The following SPTB variants were observed in gnomAD, a reference collection of about 807,000 sequenced individuals.
The protein encoded by SPTB is spectrin beta, erythrocytic, also known as spectrin beta chain, erythrocytic.
Under a neutral mutation model 256.2 loss-of-function variants are expected in SPTB, and 45 were observed. The ratio of observed to expected loss-of-function variants is 0.18; its 90% confidence interval spans 0.14 to 0.23. The LOEUF is 0.23. Among genes scored for constraint, SPTB ranks in the 10% least tolerant of loss-of-function variants. The pLI is 1.00. For missense variants in SPTB, 2,715 were observed against 3,040.4 expected, an observed-to-expected ratio of 0.89 and a Z score of 2.52; for synonymous variants, 1,231 against 1,243.1, an observed-to-expected ratio of 0.99 and a Z score of 0.21.
Position 64,809,262 on chromosome 14 carries a change from C to CAAAA in SPTB, c.149-4176_149-4173dup, listed in dbSNP as rs57245539. On this transcript the variant is annotated intron_variant, in intron 2 of 35. Transcript: ENST00000644917. The stretch of plus-strand genomic sequence containing the variant: ...GGGCAACAACAGCGAAACTTTGTAT[C>CAAAA]AAAAAAAAAAAAAAAAAAAAAGGCC... Among the ~76,000 whole-genome samples the CAAAA allele has an allele frequency of 3.9e-3, 358 of 90,998 alleles. 3 individuals carry two copies. Among genetic ancestry groups the CAAAA allele is most frequent in the African/African-American group, 0.014 (336 of 24,588 alleles). 59.7% of individuals were successfully genotyped at this position (90,998 alleles called of 152,430 possible).
intron 1 of SPTB, among the ~76,000 whole-genome samples, chr14:64,832,918 T>G (rs1024259464): frequency 6.6e-6 from 1 of 152,226 alleles, no homozygotes; most frequent in Admixed American, 6.5e-5. Context: ...CTAGCCCATT[T>G]TCTACACTGA....
chr14:64,801,731 C>T (rs536092899), intron 6 of SPTB, 23 bp downstream of exon 6: 3 of 1,610,716 alleles, frequency 1.9e-6, no homozygotes, highest in South Asian at 1.1e-5. Flanking sequence ...AGTCAGTCCC[C>T]ACGGCTGTCC....
rs2082214866 is a variant in SPTB at position 64,767,872 on chromosome 14, A to G, written c.6023-13T>C. ...CACACCTCCAGCACTGCCAGGGGGAACAGGACACAGACCCCCCACAAGGCC... is the reference window on the plus strand; with the variant it reads ...CACACCTCCAGCACTGCCAGGGGGAGCAGGACACAGACCCCCCACAAGGCC... On this transcript the variant is annotated splice_polypyrimidine_tract_variant and intron_variant, in intron 29 of 35. Coordinates refer to ENST00000644917, the MANE Select transcript of SPTB (RefSeq NM_001355436.2). 2 of 1,613,122 alleles carry G rather than the reference A, an allele frequency of 1.2e-6. No individual in the cohort carries two copies. The highest frequency in any genetic ancestry group is 1.7e-5 in the Admixed American group (1 of 59,976).
intron 9 of SPTB, among the ~76,000 whole-genome samples, chr14:64,798,185 A>T (rs558613581): frequency 3.8e-4 from 58 of 152,318 alleles, no homozygotes; most frequent in African/African-American, 1.2e-3. Context: ...TACAAAAAAA[A>T]TTTTAAAAAA....
intron 23 of SPTB, among the ~76,000 whole-genome samples, chr14:64,774,876 A>C (rs1232749826): frequency 7.4e-6 from 1 of 135,224 alleles, no homozygotes; most frequent in Non-Finnish European, 1.8e-5. Context: ...AGGGTAAAGA[A>C]AAGTAGAGAA....
At chr14:64,813,554 C>A (rs1022575178) in intron 2 of SPTB, among the ~76,000 whole-genome samples, 1 of 152,154 alleles carries the variant, frequency 6.6e-6, no homozygotes, top group Non-Finnish European at 1.5e-5. Context: ...TGGAGTCTCC[C>A]TCTGTCGCCC....
intron 12 of SPTB, among the ~76,000 whole-genome samples, 176 bp from the exon 13 acceptor site, chr14:64,794,793 G>A (rs2082737116): frequency 6.6e-6 from 1 of 152,202 alleles, no homozygotes; most frequent in Non-Finnish European, 1.5e-5. Context: ...GTGCCTACTG[G>A]GGGTGCCCAT....
rs200566160 is a variant in SPTB, at chr14:64,772,910, C to T, written c.5223G>A (p.Ala1741=). Residue 1741 remains alanine, a synonymous_variant, in exon 26 of 36, where the codon GCG becomes GCA. Transcript: ENST00000644917. The surrounding 1 kb of genome is among the most constrained non-coding windows in gnomAD (Gnocchi z 5.4). ...KFRDFARETG[A]IGQERVDNVN... ...CATTGTCCACCCGCTCCTGCCCAATCGCCCCGGTCTCCCGGGCAAAGTCCC... is the reference window on the plus strand; with the variant it reads ...CATTGTCCACCCGCTCCTGCCCAATTGCCCCGGTCTCCCGGGCAAAGTCCC... 1.3e-5 allele frequency: 21 copies of T among 1,604,554 alleles called. No individual in the cohort carries two copies. The highest frequency in any genetic ancestry group is 4.5e-5 in the East Asian group (2 of 44,664).
rs1209016588 is a variant in SPTB, at chr14:64,823,575, G to A, written c.-51-430C>T. ...GACCTAACCTGGTGGGGGAGATGGG[G>A]ACAGGCCAGGGGAAGGGAGAGGCTG... On this transcript the variant is annotated intron_variant, in intron 1 of 35. Coordinates refer to ENST00000644917, the MANE Select transcript of SPTB (RefSeq NM_001355436.2). The surrounding 1 kb of genome is among the most constrained non-coding windows in gnomAD (Gnocchi z 6.5). Among the ~76,000 whole-genome samples, 1 of 152,174 alleles carries A rather than the reference G, an allele frequency of 6.6e-6. No individual in the cohort carries two copies. Among genetic ancestry groups the A allele is most frequent in the Non-Finnish European group, 1.5e-5 (1 of 68,024 alleles).
chr14:64,750,936 CAT>C (rs1194847943), intron 33 of SPTB, among the ~76,000 whole-genome samples: 8 of 126,354 alleles, frequency 6.3e-5, no homozygotes, highest in East Asian at 4.0e-4. Context: ...CATTATATAT[CAT>C]ATACTATATA....
At chr14:64,864,943 C>T (rs1025212078) in intron 1 of SPTB, among the ~76,000 whole-genome samples, 1 of 152,092 alleles carries the variant, frequency 6.6e-6, no homozygotes, top group African/African-American at 2.4e-5. Context: ...CCAATAACTC[C>T]CCTCTGGATC....
rs1246401119 is a variant in SPTB, at chr14:64,824,666, G to C, written c.-51-1521C>G. Reference sequence around the variant, plus strand: ...GTGAGGGAGACCACTCCCTCTGTGGGTGTGTGCACCCACGGCACACACACA... The same window carrying C: ...GTGAGGGAGACCACTCCCTCTGTGGCTGTGTGCACCCACGGCACACACACA... On this transcript the variant is annotated intron_variant, in intron 1 of 35. Transcript: ENST00000644917. The surrounding 1 kb of genome is among the most constrained non-coding windows in gnomAD (Gnocchi z 5.7). 1.3e-5 allele frequency among the ~76,000 whole-genome samples: 2 copies of C among 152,072 alleles called. No homozygotes were observed. Among genetic ancestry groups the C allele is most frequent in the African/African-American group, 2.4e-5 (1 of 41,390 alleles).
At position 64,823,454 on chromosome 14, in the gene SPTB, C is replaced by T. The variant is rs987260943; in HGVS notation, c.-51-309G>A. Among the ~76,000 whole-genome samples the T allele has an allele frequency of 3.9e-5, 6 of 152,276 alleles. No individual in the cohort carries two copies. The South Asian group carries it at 6.2e-4, about 16-fold the overall frequency. On this transcript the variant is annotated intron_variant, in intron 1 of 35. Coordinates refer to ENST00000644917, the MANE Select transcript of SPTB (RefSeq NM_001355436.2). The surrounding 1 kb of genome is among the most constrained non-coding windows in gnomAD (Gnocchi z 6.5). ...TTCCTCCAGACCAGCCGCCCCGCCG[C>T]GGGGAGCACCCCGGGAGAGAGGAAG...
chr14:64,790,047 G>A lies in SPTB; in HGVS notation c.2804+1672C>T, dbSNP rs546327929. Reference sequence around the variant, plus strand: ...GGGCAGAGCCAGAATCAATATGTACGCATTTCAAGGAGGCAGATTTCCACT... The same window carrying A: ...GGGCAGAGCCAGAATCAATATGTACACATTTCAAGGAGGCAGATTTCCACT... On this transcript the variant is annotated intron_variant, in intron 15 of 35. Coordinates refer to ENST00000644917, the MANE Select transcript of SPTB (RefSeq NM_001355436.2). The surrounding 1 kb of genome is among the most constrained non-coding windows in gnomAD (Gnocchi z 4.8). Among the ~76,000 whole-genome samples, 24 of 152,262 alleles carry A rather than the reference G, an allele frequency of 1.6e-4. No homozygotes were observed. Among genetic ancestry groups the A allele is most frequent in the South Asian group, 6.2e-4 (3 of 4,826 alleles).
chr14:64,846,522 T>C (rs1297977855), intron 1 of SPTB, among the ~76,000 whole-genome samples: 1 of 152,224 alleles, frequency 6.6e-6, no homozygotes, highest in African/African-American at 2.4e-5. Flanking sequence ...GATGACAGCA[T>C]GAGGCAGATA....
rs2082272485 is a variant in SPTB at position 64,771,064 on chromosome 14, G to T, written c.5619C>A (p.Ala1873=). 6.2e-7 allele frequency: 1 copy of T among 1,614,166 alleles called. No homozygotes were observed. Among genetic ancestry groups the T allele is most frequent in the Admixed American group, 1.7e-5 (1 of 60,038 alleles). ...QTAYAGEKAE[A]IQNKEQEVSA... is the part of the protein sequence containing the mutation. ...ACACCTCCTGCTCCTTGTTCTGGAT[G>T]GCCTCTGCCTTCTCCCCAGCATATG... Residue 1873 remains alanine (A), a synonymous_variant, in exon 27 of 36, where the codon GCC becomes GCA. Transcript: ENST00000644917.
At chr14:64,829,650 T>C (rs576675420) in intron 1 of SPTB, among the ~76,000 whole-genome samples, 1 of 152,336 alleles carries the variant, frequency 6.6e-6, no homozygotes, top group South Asian at 2.1e-4. Flanking sequence ...TGACTTGGAG[T>C]GATCTACTTA....
chr14:64,845,841 G>A lies in SPTB; in HGVS notation c.-51-22696C>T, dbSNP rs2083683442. On this transcript the variant is annotated intron_variant, in intron 1 of 35. Transcript: ENST00000644917. This position sits in a 1 kb window ranked among gnomAD's most constrained non-coding sequence, Gnocchi z 4.8. The stretch of plus-strand genomic sequence containing the variant: ...TATCATTTTAATTTTTAATGTGTGT[G>A]TGTGTTATTTATGAAACACATTTCA... 6.6e-6 allele frequency among the ~76,000 whole-genome samples: 1 copy of A among 152,122 alleles called. No homozygotes were observed. Among genetic ancestry groups the A allele is most frequent in the African/African-American group, 2.4e-5 (1 of 41,408 alleles).
intron 2 of SPTB, among the ~76,000 whole-genome samples, chr14:64,808,090 G>A (rs151164): frequency 1.4e-3 from 218 of 152,340 alleles, no homozygotes; most frequent in African/African-American, 4.8e-3. Flanking sequence ...TTGGCTCACT[G>A]CAACCTCCGC....
Sources: gnomAD v4.1 joint callset for allele counts (sites outside exome capture counted in the v4.1 genomes callset) on GRCh38, gnomAD v4.1.1 for gene constraint, Gnocchi (gnomAD v3.1) non-coding constraint, MANE v1.5 for transcripts, NCBI Gene and HGNC (gene_info 2026-07-23, HGNC 2026-07-21) for gene names.